MACROD2: variants seen among roughly 807,000 people sequenced by gnomAD.
MACROD2 encodes the protein ADP-ribose glycohydrolase MACROD2.
In MACROD2, 36 loss-of-function variants were observed where a neutral mutation model predicts 70.4. The ratio of observed to expected loss-of-function variants is 0.51; its 90% CI spans 0.39 to 0.68. MACROD2 has a LOEUF of 0.68. MACROD2 is among the 30% of genes least tolerant of loss of function. MACROD2 has a pLI of 0.00. For synonymous variants in MACROD2, 172 were observed against 178.8 expected, an observed-to-expected ratio of 0.96 and a Z score of 0.30; for missense variants, 496 against 538.4, an observed-to-expected ratio of 0.92 and a Z score of 0.78.
rs564619460 is a variant in MACROD2, at chr20:14,663,254, C to A, written c.302-21589C>A. Among the ~76,000 whole-genome samples the A allele has an allele frequency of 4.6e-5, 7 of 152,092 alleles. No homozygotes were observed. In the South Asian group the frequency reaches 1.5e-3, roughly 32 times the overall value. On this transcript the variant is annotated intron_variant, in intron 4 of 17. Coordinates refer to ENST00000684519, the MANE Select transcript of MACROD2 (RefSeq NM_001351661.2). ...AACAGAAAACCAAATGCCACAGGTT[C>A]TGACTTCTAAGTGGGAGCTAAATGA...
At chr20:14,698,810 T>G (rs141082505) in intron 5 of MACROD2, among the ~76,000 whole-genome samples, 3 of 149,370 alleles carry the variant, frequency 2.0e-5, no homozygotes, top group African/African-American at 7.3e-5. Context: ...TTTAATAAAT[T>G]TAGTATAATT....
chr20:15,346,761 T>C (rs1221478665), intron 6 of MACROD2, among the ~76,000 whole-genome samples: 3 of 152,320 alleles, frequency 2.0e-5, no homozygotes, highest in African/African-American at 4.8e-5. Flanking sequence ...CAGAGGTTAA[T>C]AGGTTAATTC....
At chr20:15,392,523 A>G (rs949532304) in intron 6 of MACROD2, among the ~76,000 whole-genome samples, 1 of 151,852 alleles carries the variant, frequency 6.6e-6, no homozygotes, top group Non-Finnish European at 1.5e-5. Context: ...AATCAGTGTC[A>G]TTTTACCTAA....
chr20:14,126,447 T>C, intron 3 of MACROD2, among the ~76,000 whole-genome samples: 1 of 152,212 alleles, frequency 6.6e-6, no homozygotes, highest in East Asian at 1.9e-4. Context: ...ATATGAATTT[T>C]GGGGGTCCAT....
At position 14,305,618 on chromosome 20, in the gene MACROD2, T is replaced by G. The variant is rs181571258; in HGVS notation, c.272-187861T>G. The stretch of plus-strand genomic sequence containing the variant: ...ATGGCATACTATTCAACAAAGTTGT[T>G]GAAAGGAGTTCCCCAGTACTTCACC... On this transcript the variant is annotated intron_variant, in intron 3 of 17. Transcript: ENST00000684519. Among the ~76,000 whole-genome samples the G allele has an allele frequency of 3.4e-3, 523 of 152,284 alleles. 5 individuals carry two copies. Among genetic ancestry groups the G allele is most frequent in the Admixed American group, 9.2e-3 (141 of 15,286 alleles).
At chr20:15,131,835 TAAG>T (rs1019764067) in intron 5 of MACROD2, among the ~76,000 whole-genome samples, 3 of 151,924 alleles carry the variant, frequency 2.0e-5, no homozygotes, top group Non-Finnish European at 4.4e-5. Flanking sequence ...ATGTAAAACA[TAAG>T]AAGTTGATTG....
intron 7 of MACROD2, among the ~76,000 whole-genome samples, chr20:15,458,613 T>G (rs1394598683): frequency 6.8e-6 from 1 of 146,994 alleles, no homozygotes; most frequent in Non-Finnish European, 1.5e-5. Context: ...AATGAACTGT[T>G]TTTTTGTTTT....
intron 15 of MACROD2, among the ~76,000 whole-genome samples, chr20:16,013,658 A>G (rs915856554): frequency 6.6e-6 from 1 of 152,226 alleles, no homozygotes; most frequent in Admixed American, 6.5e-5. Context: ...TTTAGTAAGT[A>G]AATGGCCTAC....
At chr20:15,607,715 T>C (rs1600661243) in intron 8 of MACROD2, among the ~76,000 whole-genome samples, 2 of 151,998 alleles carry the variant, frequency 1.3e-5, no homozygotes, top group African/African-American at 4.8e-5. Context: ...TGTATTTTTA[T>C]TAGAGACGGG....
chr20:15,537,717 G>A lies in MACROD2; in HGVS notation c.645+37870G>A, dbSNP rs140863958. On this transcript the variant is annotated intron_variant, in intron 8 of 17. Transcript: ENST00000684519. The stretch of plus-strand genomic sequence containing the variant: ...TCAAACTCCTGACCTCAAGTGATAT[G>A]CCCACCTTGGCCTCCCAAAGTGCTG... Among the ~76,000 whole-genome samples, 4 of 152,036 alleles carry A rather than the reference G, an allele frequency of 2.6e-5. No homozygotes were observed. The East Asian group carries it at 7.8e-4, about 29-fold the overall frequency.
chr20:15,603,557 A>G (rs1464549730), intron 8 of MACROD2, among the ~76,000 whole-genome samples: 1 of 151,892 alleles, frequency 6.6e-6, no homozygotes, highest in Non-Finnish European at 1.5e-5. Context: ...CTATTCATAG[A>G]TAAATTGCAA....
rs567944948 is a variant in MACROD2 at position 14,347,123 on chromosome 20, A to G, written c.272-146356A>G. Among the ~76,000 whole-genome samples, 3 of 152,314 alleles carry G rather than the reference A, an allele frequency of 2.0e-5. No individual in the cohort carries two copies. The South Asian group carries it at 6.2e-4, about 32-fold the overall frequency. ...ATGAGACTGAAAGCAGCTAGAGGAAAAGTTTTTGAAGAGATAGTAAGGAGA... is the reference window on the plus strand; with the variant it reads ...ATGAGACTGAAAGCAGCTAGAGGAAGAGTTTTTGAAGAGATAGTAAGGAGA... On this transcript the variant is annotated intron_variant, in intron 3 of 17. Coordinates refer to ENST00000684519, the MANE Select transcript of MACROD2 (RefSeq NM_001351661.2).
At chr20:15,402,866 G>A (rs2045949041) in intron 6 of MACROD2, among the ~76,000 whole-genome samples, 1 of 152,152 alleles carries the variant, frequency 6.6e-6, no homozygotes, top group Admixed American at 6.5e-5. Flanking sequence ...TGGAAGGCAG[G>A]AGATATTTAA....
intron 5 of MACROD2, among the ~76,000 whole-genome samples, chr20:15,156,841 C>A (rs191099659): frequency 1.3e-5 from 2 of 152,196 alleles, no homozygotes; most frequent in African/African-American, 4.8e-5. Context: ...CCTGTATTAG[C>A]CAAGCCATTT....
At chr20:14,891,005 CCCTTCCTACCTTCCTT>C (rs1210601154) in intron 5 of MACROD2, among the ~76,000 whole-genome samples, 6 of 96,978 alleles carry the variant, frequency 6.2e-5, no homozygotes, top group African/African-American at 2.1e-4. Flanking sequence ...CTCCCTCCCT[CCCTTCCTACCTTCCTT>C]CCTTCCTACC....
At chr20:15,871,344 A>G (rs893537536) in intron 9 of MACROD2, among the ~76,000 whole-genome samples, 11 of 152,140 alleles carry the variant, frequency 7.2e-5, no homozygotes, top group South Asian at 6.2e-4. Flanking sequence ...AAACAAAAGA[A>G]AGTACTCACA....
intron 6 of MACROD2, among the ~76,000 whole-genome samples, chr20:15,428,011 G>C (rs548593877): frequency 1.3e-5 from 2 of 152,154 alleles, no homozygotes; most frequent in Non-Finnish European, 2.9e-5. Context: ...AGAATTATCT[G>C]GTCCAAAATA....
intron 3 of MACROD2, among the ~76,000 whole-genome samples, chr20:14,336,126 T>C (rs938640449): frequency 8.5e-5 from 13 of 152,168 alleles, no homozygotes; most frequent in South Asian, 2.1e-4. Context: ...GGTCAGGATA[T>C]TTTTATGCAG....
intron 8 of MACROD2, among the ~76,000 whole-genome samples, chr20:15,621,239 TTCTC>T (rs1460271387): frequency 2.0e-5 from 3 of 152,204 alleles, no homozygotes. Flanking sequence ...TCTTAGTCTC[TTCTC>T]TCTATTTCAA....
Sources: gnomAD v4.1 joint callset for allele counts (sites outside exome capture counted in the v4.1 genomes callset) on GRCh38, gnomAD v4.1.1 for gene constraint, MANE v1.5 for transcripts, NCBI Gene and HGNC (gene_info 2026-07-23, HGNC 2026-07-21) for gene names.